Variants in DSCAM observed in about 807,000 individuals in gnomAD.
The protein encoded by DSCAM is cell adhesion molecule DSCAM.
A neutral mutation model predicts 217.7 loss-of-function variants in DSCAM; 47 were observed. That is an observed-to-expected ratio of 0.22 (90% CI 0.17 to 0.28). The LOEUF (loss-of-function observed/expected upper bound fraction) is 0.28. DSCAM is among the 10% of genes least tolerant of loss of function. DSCAM has a pLI of 1.00. For synonymous variants in DSCAM, 1,056 were observed against 1,015.3 expected (o/e 1.04, Z -0.76); for missense variants, 2,080 against 2,618.3 (o/e 0.79, Z 4.49).
At chr21:40,065,276 C>T (rs2089190634) in intron 27 of DSCAM, among the ~76,000 whole-genome samples, 1 of 151,878 alleles carries the variant, frequency 6.6e-6, no homozygotes, top group African/African-American at 2.4e-5. Flanking sequence ...TTAGGTGAGG[C>T]TGTTCAGAGG....
intron 3 of DSCAM, among the ~76,000 whole-genome samples, chr21:40,457,574 A>T (rs1330071803): frequency 6.6e-6 from 1 of 152,154 alleles, no homozygotes; most frequent in Non-Finnish European, 1.5e-5. Flanking sequence ...GTATTATATC[A>T]ATTTGTAATT....
intron 17 of DSCAM, 134 bp from the exon 18 acceptor site, chr21:40,142,838 A>T: frequency 9.8e-7 from 1 of 1,022,262 alleles, no homozygotes; most frequent in South Asian, 1.7e-5. Context: ...GAAAGAAAAA[A>T]TAACAAAGAT....
rs941154307 is a variant in DSCAM, at chr21:40,818,137, C to T, written c.43+28482G>A. The stretch of plus-strand genomic sequence containing the variant: ...AAAAAAAAAAAAAAAAAGAAGCTCC[C>T]GGTGATGAAAGCTCCTTGGGCCTCG... On this transcript the variant is annotated intron_variant, in intron 1 of 32. Transcript: ENST00000400454. Among the ~76,000 whole-genome samples the T allele has an allele frequency of 2.7e-5, 4 of 145,478 alleles. 1 individual carries two copies. Among genetic ancestry groups the T allele is most frequent in the Admixed American group, 2.1e-4 (3 of 14,532 alleles).
chr21:40,484,990 A>C (rs1253374431), intron 3 of DSCAM, among the ~76,000 whole-genome samples: 1 of 151,964 alleles, frequency 6.6e-6, no homozygotes, highest in Non-Finnish European at 1.5e-5. Flanking sequence ...ACTCATCTGC[A>C]TGTCCTTGAA....
intron 21 of DSCAM, among the ~76,000 whole-genome samples, chr21:40,088,721 T>G (rs2089565843): frequency 6.6e-6 from 1 of 152,208 alleles, no homozygotes; most frequent in South Asian, 2.1e-4. Flanking sequence ...GCTTTTGGCA[T>G]TTTCTTTTTC....
intron 3 of DSCAM, among the ~76,000 whole-genome samples, chr21:40,454,042 A>G (rs2075743718): frequency 6.6e-6 from 1 of 152,236 alleles, no homozygotes; most frequent in African/African-American, 2.4e-5. Flanking sequence ...AAAGAAAAAC[A>G]CATCCTAATG....
chr21:40,108,901 AGGACTC>A (rs1193824551), intron 20 of DSCAM, among the ~76,000 whole-genome samples: 1 of 152,210 alleles, frequency 6.6e-6, no homozygotes, highest in Non-Finnish European at 1.5e-5. Flanking sequence ...CAATGGGGAA[AGGACTC>A]CCTATTCAAT....
rs200767441 is a variant in DSCAM, at chr21:40,044,045, C to T, written c.5383+33G>A. The T allele has an allele frequency of 4.0e-4, 647 of 1,611,044 alleles. 9 individuals are homozygous for T. In the Admixed American group the frequency reaches 8.2e-3, roughly 21 times the overall value. On this transcript the variant is annotated intron_variant, in intron 31 of 32. Coordinates refer to ENST00000400454, the MANE Select transcript of DSCAM (RefSeq NM_001389.5). ...TCAAGGTGCGGGGGCCGTGCTGGTC[C>T]CCAGGGACGGAGGAGGCAGCGTCAG...
At chr21:40,480,078 C>A (rs1201508621) in intron 3 of DSCAM, among the ~76,000 whole-genome samples, 1 of 152,176 alleles carries the variant, frequency 6.6e-6, no homozygotes, top group African/African-American at 2.4e-5. Flanking sequence ...CAGAAACTGC[C>A]TGCACCCAAC....
chr21:40,799,589 G>A lies in DSCAM; in HGVS notation c.43+47030C>T, dbSNP rs74515544. On this transcript the variant is annotated intron_variant, in intron 1 of 32. Transcript: ENST00000400454. ...GCTGCACTCCCTTTGAAGGAACATG[G>A]GGAATATCTGATTTCCCTTTTTCAG... 6.7e-3 allele frequency among the ~76,000 whole-genome samples: 1,018 copies of A among 152,262 alleles called. 8 individuals are homozygous for A. The highest frequency in any genetic ancestry group is 0.016 in the South Asian group (76 of 4,824).
At chr21:40,599,192 G>A (rs891675827) in intron 3 of DSCAM, among the ~76,000 whole-genome samples, 3 of 151,708 alleles carry the variant, frequency 2.0e-5, no homozygotes, top group African/African-American at 7.3e-5. Flanking sequence ...CTTTTGCTGA[G>A]CAGAAGGCTT....
At chr21:40,608,018 T>C (rs2089265421) in intron 3 of DSCAM, among the ~76,000 whole-genome samples, 1 of 152,204 alleles carries the variant, frequency 6.6e-6, no homozygotes, top group African/African-American at 2.4e-5. Flanking sequence ...AGGAGGGCCC[T>C]GGCTTGCTCT....
Position 40,794,790 on chromosome 21 carries a change from G to A in DSCAM, c.43+51829C>T, listed in dbSNP as rs147209345. On this transcript the variant is annotated intron_variant, in intron 1 of 32. Transcript: ENST00000400454. ...TATACTATTCACAACACAATCTCTC[G>A]GCTCCAGTTGAATGCATTACCTCCT... Among the ~76,000 whole-genome samples the A allele has an allele frequency of 3.0e-3, 444 of 149,418 alleles. 2 individuals are homozygous for A. The highest frequency in any genetic ancestry group is 0.01 in the African/African-American group (421 of 40,368).
At chr21:40,388,587 C>A (rs935857893) in intron 3 of DSCAM, among the ~76,000 whole-genome samples, 2 of 152,134 alleles carry the variant, frequency 1.3e-5, no homozygotes, top group African/African-American at 4.8e-5. Context: ...CTGTCATGGT[C>A]ATTACTCTAT....
chr21:40,049,405 T>C (rs2088892721), intron 30 of DSCAM, among the ~76,000 whole-genome samples: 1 of 152,194 alleles, frequency 6.6e-6, no homozygotes. Context: ...TCTTGTTTCA[T>C]GTCTTCCCCT....
At chr21:40,587,731 T>C (rs1427367532) in intron 3 of DSCAM, among the ~76,000 whole-genome samples, 1 of 152,224 alleles carries the variant, frequency 6.6e-6, no homozygotes, top group African/African-American at 2.4e-5. Context: ...AAGCCAGATA[T>C]TCTTTTTTCA....
Position 40,771,380 on chromosome 21 carries a change from G to C in DSCAM, c.44-62609C>G, listed in dbSNP as rs1045797880. 2.6e-5 allele frequency among the ~76,000 whole-genome samples: 4 copies of C among 152,212 alleles called. No individual in the cohort carries two copies. The East Asian group carries it at 7.7e-4, about 29-fold the overall frequency. ...GAGGGAGTATTGGGAATAAACAAGA[G>C]TGAAGGTCATCTCAAAGCACCTTTT... On this transcript the variant is annotated intron_variant, in intron 1 of 32. Transcript: ENST00000400454.
chr21:40,279,813 G>GA (rs1355889221), intron 10 of DSCAM, among the ~76,000 whole-genome samples: 1 of 151,976 alleles, frequency 6.6e-6, no homozygotes, highest in Non-Finnish European at 1.5e-5. Context: ...GATGAAACTG[G>GA]AAAATGGATG....
At chr21:40,342,646 A>AT (rs1452290469) in intron 6 of DSCAM, among the ~76,000 whole-genome samples, 11 of 83,600 alleles carry the variant, frequency 1.3e-4, no homozygotes, top group East Asian at 6.3e-4. Context: ...ATATATATAT[A>AT]TATTTTTTTT....
Sources: allele counts gnomAD v4.1 joint callset (sites outside exome capture counted in the v4.1 genomes callset), GRCh38; gene constraint gnomAD v4.1.1; transcripts MANE v1.5; gene names NCBI Gene and HGNC (gene_info 2026-07-23, HGNC 2026-07-21).